Variants in OTP observed in about 807,000 individuals in gnomAD.
OTP encodes orthopedia homeobox.
In OTP, 5 loss-of-function variants were observed where a neutral mutation model predicts 22.3. The ratio of observed to expected loss-of-function variants is 0.22; its 90% CI spans 0.12 to 0.47. OTP has a LOEUF of 0.47. OTP is among the 20% of genes least tolerant of loss of function. The pLI is 0.99. For missense variants in OTP, 428 were observed against 456.2 expected (o/e 0.94, Z 0.56); for synonymous variants, 229 against 210.6 (o/e 1.09, Z -0.76).
intron 2 of OTP, among the ~76,000 whole-genome samples, chr5:77,633,946 T>G (rs1744968243): frequency 6.6e-6 from 1 of 152,270 alleles, no homozygotes. Flanking sequence ...AGTTTAATAG[T>G]GCTGGGAGAG....
Position 77,630,575 on chromosome 5 carries a change from G to A in OTP, c.667C>T (p.Pro223Ser). 6.4e-7 allele frequency: 1 copy of A among 1,563,072 alleles called. No individual in the cohort carries two copies. The highest frequency in any genetic ancestry group is 2.4e-5 in the East Asian group (1 of 42,478). ...GCCTGCTGCCTGCCCAGCGCCGGCG[G>A]CAGAGGCAGCTGTGACACGCCAGGC... ...AMPGVSQLPLPPALGRQQAMA... is the reference protein window; with the variant it reads ...AMPGVSQLPLSPALGRQQAMA... The change falls in exon 3 of 3, where the codon CCG becomes TCG. Residue 223 changes from proline to serine, a missense_variant. Pro to Ser is a moderately conservative substitution (Grantham distance 74). Coordinates refer to ENST00000306422, the MANE Select transcript of OTP (RefSeq NM_032109.3).
At chr5:77,631,896 C>T (rs1467673360) in intron 2 of OTP, among the ~76,000 whole-genome samples, 1 of 152,074 alleles carries the variant, frequency 6.6e-6, no homozygotes, top group Non-Finnish European at 1.5e-5. Flanking sequence ...TACCAAGGGT[C>T]CCAAGTAACA....
Position 77,630,472 on chromosome 5 carries a change from G to A in OTP, c.770C>T (p.Ala257Val), listed in dbSNP as rs1176693113. 1.9e-6 allele frequency: 3 copies of A among 1,590,496 alleles called. No homozygotes were observed. The highest frequency in any genetic ancestry group is 1.7e-5 in the Admixed American group (1 of 57,186). ...PNSMGLSNSLAGSNGAGLQSH... is the reference protein window; with the variant it reads ...PNSMGLSNSLVGSNGAGLQSH... Reference sequence around the variant, plus strand: ...CTGCAGCCCCGCGCCGTTGGAACCCGCCAGGCTGTTGGACAGGCCCATGGA... The same window carrying A: ...CTGCAGCCCCGCGCCGTTGGAACCCACCAGGCTGTTGGACAGGCCCATGGA... Residue 257 changes from alanine to valine, a missense_variant, in exon 3 of 3, where the codon GCG (alanine) becomes GTG (valine). Ala to Val is a moderately conservative substitution (Grantham distance 64). This residue lies in a region of OTP where 236 missense variants were observed against 238.1 expected (regional missense o/e 0.99). Coordinates refer to ENST00000306422, the MANE Select transcript of OTP (RefSeq NM_032109.3).
At chr5:77,631,275 G>C (rs1405217250) in intron 2 of OTP, among the ~76,000 whole-genome samples, 1 of 152,260 alleles carries the variant, frequency 6.6e-6, no homozygotes, top group Non-Finnish European at 1.5e-5. Context: ...ATGACAGGCT[G>C]TGGATGACAT....
intron 2 of OTP, among the ~76,000 whole-genome samples, chr5:77,631,547 T>C (rs906130683): frequency 7.3e-6 from 1 of 137,816 alleles, no homozygotes; most frequent in African/African-American, 2.7e-5. Flanking sequence ...CCTTCAACCC[T>C]ATTCTTTTTT....
At chr5:77,637,336 C>A (rs1745026478) in intron 1 of OTP, 106 bp from the exon 2 acceptor site, 2 of 1,299,586 alleles carry the variant, frequency 1.5e-6, no homozygotes, top group Non-Finnish European at 2.1e-6. Context: ...CCTCCGCACC[C>A]GCGCTTGTCC....
chr5:77,638,677 G>T lies in OTP; in HGVS notation c.-128C>A. 1 of 920,408 alleles carries T rather than the reference G, an allele frequency of 1.1e-6. No individual in the cohort carries two copies. Among genetic ancestry groups the T allele is most frequent in the Non-Finnish European group, 1.5e-6 (1 of 652,806 alleles). The allele number at this position is 920,408 out of a possible 1,614,324, so 57.0% of individuals were successfully genotyped here. On this transcript the variant is annotated 5_prime_UTR_variant, in exon 1 of 3. Coordinates refer to ENST00000306422, the MANE Select transcript of OTP (RefSeq NM_032109.3). ...AGATCACCTAAATGAAAGAAAATTCGGTTTGTGGTTAAAAAGGGGGCTTCT... is the reference window on the plus strand; with the variant it reads ...AGATCACCTAAATGAAAGAAAATTCTGTTTGTGGTTAAAAAGGGGGCTTCT...
Position 77,630,174 on chromosome 5 carries a change from A to C in OTP, c.*90T>G. On this transcript the variant is annotated 3_prime_UTR_variant, in exon 3 of 3. Transcript: ENST00000306422. ...GGCGAAGGCCGGGGCGGGACGGGGC[A>C]GGGCGCCGGGGTCCGGGTGCGCGCC... 1 of 768,478 alleles carries C rather than the reference A, an allele frequency of 1.3e-6. No homozygotes were observed. The highest frequency in any genetic ancestry group is 1.7e-6 in the Non-Finnish European group (1 of 577,338). The allele number at this position is 768,478 out of a possible 1,614,324, so 47.6% of individuals were successfully genotyped here.
Position 77,630,429 on chromosome 5 carries a change from G to T in OTP, c.813C>A (p.Pro271=). 2 of 1,581,456 alleles carry T rather than the reference G, an allele frequency of 1.3e-6. No homozygotes were observed. The highest frequency in any genetic ancestry group is 1.7e-6 in the Non-Finnish European group (2 of 1,165,750). ...GAGLQSHLYQ[P]AFPGMVPASL... ...AGGCGGGCACCATGCCGGGGAAGGC[G>T]GGCTGGTAGAGGTGCGACTGCAGCC... Residue 271 remains proline (P), a synonymous_variant, in exon 3 of 3, where the codon CCC becomes CCA. Coordinates refer to ENST00000306422, the MANE Select transcript of OTP (RefSeq NM_032109.3).
rs765670559 is a variant in OTP at position 77,636,778 on chromosome 5, G to A, written c.447+43C>T. On this transcript the variant is annotated intron_variant, in intron 2 of 2. Transcript: ENST00000306422. Reference sequence around the variant, plus strand: ...CTGCTCCCTTTGCCCAAATCCTCCCGCCCTGTCCTTGCCTTCTGTCCCAGA... The same window carrying A: ...CTGCTCCCTTTGCCCAAATCCTCCCACCCTGTCCTTGCCTTCTGTCCCAGA... 3.8e-6 allele frequency: 6 copies of A among 1,568,780 alleles called. No homozygotes were observed. The East Asian group carries it at 1.1e-4, about 29-fold the overall frequency.
At chr5:77,630,898 T>G in intron 2 of OTP, 104 bp from the exon 3 acceptor site, 1 of 1,265,764 alleles carries the variant, frequency 7.9e-7, no homozygotes, top group East Asian at 2.7e-5. Flanking sequence ...ACAGCCGCTC[T>G]GCCCTGGGAG....
In OTP at chr5:77,630,811, G is replaced by A. The variant is rs1433953839; in HGVS notation, c.448-17C>T. 7 of 1,519,626 alleles carry A rather than the reference G, an allele frequency of 4.6e-6. No homozygotes were observed. The highest frequency in any genetic ancestry group is 6.1e-6 in the Non-Finnish European group (7 of 1,143,712). 94.1% of individuals were successfully genotyped at this position (1,519,626 alleles called of 1,614,324 possible). On this transcript the variant is annotated splice_polypyrimidine_tract_variant and intron_variant, in intron 2 of 2. Transcript: ENST00000306422. ...GAACCAGACCTGGAGCGGGCGGGGC[G>A]GGAGACAGACAGGGAGCTATTAGCC...
In OTP at chr5:77,628,813, A is replaced by G. The variant is rs1744874332; in HGVS notation, c.*1451T>C. 6.6e-6 allele frequency: 1 copy of G among 152,650 alleles called. No individual in the cohort carries two copies. The highest frequency in any genetic ancestry group is 2.1e-4 in the South Asian group (1 of 4,836). The allele number at this position is 152,650 out of a possible 1,614,324, so 9.5% of individuals were successfully genotyped here. A position where few individuals can be genotyped will look rare whatever the true frequency, so the allele number is the denominator to read the frequency against. On this transcript the variant is annotated 3_prime_UTR_variant, in exon 3 of 3. Coordinates refer to ENST00000306422, the MANE Select transcript of OTP (RefSeq NM_032109.3). ...ATGCTTTATATTAGCTCAAACATTT[A>G]TTAAGAAAACCGAATTCCATAAATA...
chr5:77,637,113 A>T lies in OTP; in HGVS notation c.155T>A (p.Val52Glu). 1 of 1,610,942 alleles carries T rather than the reference A, an allele frequency of 6.2e-7. No homozygotes were observed. The change falls in exon 2 of 3, where the codon GTG becomes GAG. Residue 52 changes from valine (V) to glutamate (E), a missense_variant. Val to Glu is a moderately radical substitution (Grantham distance 121). Coordinates refer to ENST00000306422, the MANE Select transcript of OTP (RefSeq NM_032109.3). Reference protein sequence around the residue: ...PGDLAPNSDPVEGATLLPGED... With the variant: ...PGDLAPNSDPEEGATLLPGED... ...CCCGGGCAGCAGAGTGGCTCCCTCC[A>T]CTGGGTCAGAGTTGGGCGCCAGGTC... is the stretch of plus-strand genomic sequence containing the variant.
chr5:77,634,631 A>G (rs1410766431), intron 2 of OTP, among the ~76,000 whole-genome samples: 1 of 152,222 alleles, frequency 6.6e-6, no homozygotes, highest in East Asian at 1.9e-4. Context: ...TAAGCCAATT[A>G]CTATTTAATT....
chr5:77,638,324 T>C lies in OTP; in HGVS notation c.37+189A>G, dbSNP rs150111589. 3.0e-3 allele frequency among the ~76,000 whole-genome samples: 450 copies of C among 152,020 alleles called. 4 individuals carry two copies. Among genetic ancestry groups the C allele is most frequent in the African/African-American group, 0.01 (422 of 41,478 alleles). On this transcript the variant is annotated intron_variant, in intron 1 of 2. Coordinates refer to ENST00000306422, the MANE Select transcript of OTP (RefSeq NM_032109.3). ...AAAAGTAACAACATTCCCCAACTCC[T>C]TTCTTGGATCTACATATTCCATAGA...
intron 1 of OTP, among the ~76,000 whole-genome samples, chr5:77,638,233 G>C (rs1214554905): frequency 7.4e-6 from 1 of 135,788 alleles, no homozygotes; most frequent in Non-Finnish European, 1.6e-5. Flanking sequence ...AATTATCACG[G>C]GGTATATCGC....
rs756806049 is a variant in OTP at position 77,630,520 on chromosome 5, A to G, written c.722T>C (p.Leu241Pro). 6.3e-7 allele frequency: 1 copy of G among 1,590,062 alleles called. No individual in the cohort carries two copies. The highest frequency in any genetic ancestry group is 1.1e-5 in the South Asian group (1 of 87,894). The change falls in exon 3 of 3, where the codon CTG becomes CCG. Residue 241 changes from leucine to proline, a missense_variant. Physicochemically the swap from Leu to Pro is moderately conservative, Grantham distance 98. Coordinates refer to ENST00000306422, the MANE Select transcript of OTP (RefSeq NM_032109.3). ...GGAGTTGGGCGGCGGACCGGCCGCCAGGCTGCACTGGGACAGCGACTGCGC... is the reference window on the plus strand; with the variant it reads ...GGAGTTGGGCGGCGGACCGGCCGCCGGGCTGCACTGGGACAGCGACTGCGC... ...AMAQSLSQCS[L>P]AAGPPPNSMG...
chr5:77,638,099 A>G (rs563006553), intron 1 of OTP, among the ~76,000 whole-genome samples: 3 of 149,838 alleles, frequency 2.0e-5, no homozygotes, highest in South Asian at 4.5e-4. Flanking sequence ...AAATTACACC[A>G]CACTTAGAAA....
Sources: gnomAD v4.1 joint callset for allele counts (sites outside exome capture counted in the v4.1 genomes callset) on GRCh38, gnomAD v4.1.1 for gene constraint, gnomAD v4.1.1 regional missense constraint, MANE v1.5 for transcripts, NCBI Gene and HGNC (gene_info 2026-07-23, HGNC 2026-07-21) for gene names.